The following ELMO1 variants were observed in gnomAD, a reference collection of about 807,000 sequenced individuals.
ELMO1 encodes the protein engulfment and cell motility 1, also known as engulfment and cell motility protein 1.
A neutral mutation model predicts 98.9 loss-of-function variants in ELMO1; 26 were observed. The ratio of observed to expected loss-of-function variants is 0.26; its 90% CI spans 0.19 to 0.36. The LOEUF is 0.36. Ranked by LOEUF, ELMO1 falls within the 10% of genes least tolerant of loss-of-function variation. The pLI, the probability that ELMO1 is intolerant of heterozygous loss-of-function variation, is 1.00. For synonymous variants in ELMO1, 346 were observed against 346.0 expected (o/e 1.00, Z 0.00); for missense variants, 627 against 935.2 (o/e 0.67, Z 4.30).
intron 16 of ELMO1, among the ~76,000 whole-genome samples, chr7:36,902,078 T>C (rs1002409129): frequency 6.6e-6 from 1 of 152,234 alleles, no homozygotes; most frequent in Admixed American, 6.5e-5. Flanking sequence ...GTGAAGGGCC[T>C]CCTTGTCTAG....
intron 13 of ELMO1, among the ~76,000 whole-genome samples, chr7:37,151,140 G>A (rs1319397338): frequency 6.6e-6 from 1 of 152,214 alleles, no homozygotes; most frequent in African/African-American, 2.4e-5. Context: ...GCCAGGAAGA[G>A]GATCTGTCTG....
At chr7:36,987,911 T>A (rs1028234610) in intron 16 of ELMO1, among the ~76,000 whole-genome samples, 11 of 152,048 alleles carry the variant, frequency 7.2e-5, no homozygotes, top group African/African-American at 2.7e-4. Flanking sequence ...GCATGTGCCA[T>A]CATGCCTGGC....
At position 36,986,062 on chromosome 7, in the gene ELMO1, A is replaced by C. The variant is rs1341186757; in HGVS notation, c.1437+27237T>G. ...TGGTTCCTGAGTAAGCTTGTTCATG[A>C]AACAGGTTTCCAGTTGAGCCATGTG... On this transcript the variant is annotated intron_variant, in intron 16 of 21. Transcript: ENST00000310758. The C allele has an allele frequency of 3.0e-6, 3 of 998,796 alleles. No individual in the cohort carries two copies. The African/African-American group carries it at 5.2e-5, about 17-fold the overall frequency. The allele number at this position is 998,796 out of a possible 1,614,324, so 61.9% of individuals were successfully genotyped here.
At chr7:37,138,667 C>G (rs1320725371) in intron 13 of ELMO1, among the ~76,000 whole-genome samples, 1 of 152,186 alleles carries the variant, frequency 6.6e-6, no homozygotes, top group Non-Finnish European at 1.5e-5. Flanking sequence ...TAGTACCAAT[C>G]TATTGACACT....
At chr7:37,027,940 C>A (rs1449049928) in intron 15 of ELMO1, among the ~76,000 whole-genome samples, 3 of 152,004 alleles carry the variant, frequency 2.0e-5, no homozygotes, top group African/African-American at 7.2e-5. Flanking sequence ...AGTAACATGA[C>A]ACTTGGGGGA....
chr7:37,404,918 C>T (rs1374882474), intron 1 of ELMO1, among the ~76,000 whole-genome samples: 1 of 152,152 alleles, frequency 6.6e-6, no homozygotes, highest in Non-Finnish European at 1.5e-5. Context: ...TTGTTCCCCC[C>T]ATTTTTAATT....
intron 19 of ELMO1, among the ~76,000 whole-genome samples, chr7:36,873,370 C>G (rs1270557145): frequency 3.3e-5 from 5 of 152,090 alleles, no homozygotes; most frequent in Non-Finnish European, 7.4e-5. Context: ...TTTGATGAGG[C>G]CTTTTGTGTG....
At chr7:37,295,543 A>G (rs1038054576) in intron 4 of ELMO1, among the ~76,000 whole-genome samples, 1 of 152,202 alleles carries the variant, frequency 6.6e-6, no homozygotes, top group African/African-American at 2.4e-5. Context: ...ATAAACATAC[A>G]CTTTGAAACA....
chr7:37,301,106 G>C (rs1314217419), intron 4 of ELMO1, among the ~76,000 whole-genome samples: 1 of 152,024 alleles, frequency 6.6e-6, no homozygotes, highest in Non-Finnish European at 1.5e-5. Flanking sequence ...TGTGGGATCG[G>C]TGGTGATATC....
At chr7:37,052,479 C>A (rs1227841044) in intron 15 of ELMO1, among the ~76,000 whole-genome samples, 1 of 152,228 alleles carries the variant, frequency 6.6e-6, no homozygotes, top group Non-Finnish European at 1.5e-5. Flanking sequence ...CTTTCTCAGG[C>A]TGCAACCCAC....
intron 1 of ELMO1, among the ~76,000 whole-genome samples, chr7:37,432,039 G>A (rs369747312): frequency 1.3e-4 from 20 of 152,192 alleles, no homozygotes; most frequent in African/African-American, 4.3e-4. Flanking sequence ...ATGCCACCAC[G>A]CCTGGCTAAT....
At chr7:37,199,876 G>T (rs1238692683) in intron 13 of ELMO1, among the ~76,000 whole-genome samples, 1 of 152,168 alleles carries the variant, frequency 6.6e-6, no homozygotes, top group Non-Finnish European at 1.5e-5. Flanking sequence ...GTATGATGAT[G>T]CTACACTGAA....
intron 1 of ELMO1, among the ~76,000 whole-genome samples, chr7:37,356,385 T>C (rs1801497003): frequency 6.6e-6 from 1 of 152,196 alleles, no homozygotes; most frequent in Non-Finnish European, 1.5e-5. Context: ...CATACTGTCT[T>C]CCACAGTGGT....
At chr7:37,290,066 C>T (rs1797596340) in intron 4 of ELMO1, among the ~76,000 whole-genome samples, 2 of 152,126 alleles carry the variant, frequency 1.3e-5, no homozygotes, top group African/African-American at 4.8e-5. Context: ...TGGGTGTTTT[C>T]CTTAAGAGCT....
chr7:37,001,855 C>A (rs1225333885), intron 16 of ELMO1, among the ~76,000 whole-genome samples: 1 of 152,008 alleles, frequency 6.6e-6, no homozygotes, highest in East Asian at 1.9e-4. Flanking sequence ...CTTGCTGAGG[C>A]CACAAAATTT....
At chr7:37,261,084 T>C (rs1053975875) in intron 5 of ELMO1, among the ~76,000 whole-genome samples, 3 of 152,232 alleles carry the variant, frequency 2.0e-5, no homozygotes, top group African/African-American at 7.2e-5. Context: ...ATTGTCATTA[T>C]TAATGCTAAT....
chr7:37,218,342 G>GT (rs1347363810), intron 10 of ELMO1, among the ~76,000 whole-genome samples: 3 of 152,276 alleles, frequency 2.0e-5, no homozygotes, highest in African/African-American at 7.2e-5. Context: ...GCATAAGACT[G>GT]TGAGTCCCTC....
chr7:36,894,030 A>G (rs1300027935), intron 17 of ELMO1, among the ~76,000 whole-genome samples: 1 of 152,214 alleles, frequency 6.6e-6, no homozygotes, highest in East Asian at 1.9e-4. Context: ...AGCTGTGTCC[A>G]GTCTTCTGAG....
intron 1 of ELMO1, 136 bp downstream of exon 1, chr7:37,448,539 A>G (rs1247628363): frequency 6.6e-6 from 1 of 151,144 alleles, no homozygotes; most frequent in African/African-American, 2.4e-5. Flanking sequence ...CCCAGGGAGG[A>G]AACAAAAGTG....
Sources: allele counts gnomAD v4.1 joint callset (sites outside exome capture counted in the v4.1 genomes callset), GRCh38; gene constraint gnomAD v4.1.1; transcripts MANE v1.5; gene names NCBI Gene and HGNC (gene_info 2026-07-23, HGNC 2026-07-21).